Variants in EPB41L5 observed in about 807,000 individuals in gnomAD.
The protein encoded by EPB41L5 is band 4.1-like protein 5.
Under a neutral mutation model 106.6 loss-of-function variants are expected in EPB41L5, and 55 were observed. The ratio of observed to expected loss-of-function variants is 0.52; its 90% CI spans 0.42 to 0.65. The LOEUF is 0.65. Among genes scored for constraint, EPB41L5 ranks in the 30% least tolerant of loss-of-function variants. The probability of loss-of-function intolerance (pLI) is 0.00; values close to 1 mark genes in which losing one functional copy is unlikely to be tolerated. For synonymous variants in EPB41L5, 297 were observed against 306.7 expected, an observed-to-expected ratio of 0.97 and a Z score of 0.33; for missense variants, 871 against 882.1, an observed-to-expected ratio of 0.99 and a Z score of 0.16.
chr2:120,122,606 G>A (rs530095804), intron 16 of EPB41L5, among the ~76,000 whole-genome samples: 5 of 152,274 alleles, frequency 3.3e-5, no homozygotes, highest in Admixed American at 3.3e-4. Context: ...AAGTCAGGTA[G>A]CATGATGCCT....
At chr2:120,041,937 CCTT>C (rs1176307916) in intron 2 of EPB41L5, 66 bp from the exon 3 acceptor site, 15 of 1,187,540 alleles carry the variant, frequency 1.3e-5, no homozygotes, top group Non-Finnish European at 1.6e-5. Context: ...ATAACTAAAA[CCTT>C]CTTTTGTTCA....
chr2:120,164,706 TC>T (rs34175957), intron 21 of EPB41L5, 129 bp from the exon 22 acceptor site: 3 of 573,228 alleles, frequency 5.2e-6, no homozygotes, highest in Non-Finnish European at 9.3e-6. Context: ...TTTATGAGTG[TC>T]CCTGTGTATT....
At chr2:120,123,573 A>C (rs867548967) in intron 16 of EPB41L5, among the ~76,000 whole-genome samples, 8 of 152,144 alleles carry the variant, frequency 5.3e-5, no homozygotes, top group Middle Eastern at 3.4e-3. Context: ...CTTCTAATTT[A>C]ACAATTTCCC....
At chr2:120,086,698 A>G (rs1395281682) in intron 10 of EPB41L5, among the ~76,000 whole-genome samples, 2 of 152,182 alleles carry the variant, frequency 1.3e-5, no homozygotes, top group Non-Finnish European at 2.9e-5. Flanking sequence ...CTGTGAACAC[A>G]CTACTGCAGT....
intron 2 of EPB41L5, among the ~76,000 whole-genome samples, chr2:120,023,305 A>G (rs1291088939): frequency 2.0e-5 from 3 of 151,852 alleles, no homozygotes; most frequent in Non-Finnish European, 2.9e-5. Context: ...TAGGGTTTTT[A>G]TGGTTTTAGG....
chr2:120,161,544 C>T (rs1033306739), intron 21 of EPB41L5, among the ~76,000 whole-genome samples: 2 of 152,116 alleles, frequency 1.3e-5, no homozygotes, highest in Non-Finnish European at 2.9e-5. Flanking sequence ...CACTCATTTC[C>T]TTTTAAGATA....
At chr2:120,042,248 C>A in intron 3 of EPB41L5, 138 bp downstream of exon 3, 1 of 542,750 alleles carries the variant, frequency 1.8e-6, no homozygotes. Flanking sequence ...CCTCCCCCCA[C>A]CTCCTTGCTT....
Position 120,146,298 on chromosome 2 carries a change from C to T in EPB41L5, c.1793+9C>T. 1 of 1,591,584 alleles carries T rather than the reference C, an allele frequency of 6.3e-7. No homozygotes were observed. On this transcript the variant is annotated intron_variant, in intron 20 of 24. Coordinates refer to ENST00000263713, the MANE Select transcript of EPB41L5 (RefSeq NM_020909.4). The stretch of plus-strand genomic sequence containing the variant: ...GATGCTGCCACAAACAGGTACAGTT[C>T]TGGGTAGACTGAATTAAATTGATGT...
At chr2:120,129,138 A>T (rs1434408143) in intron 17 of EPB41L5, among the ~76,000 whole-genome samples, 1 of 152,060 alleles carries the variant, frequency 6.6e-6, no homozygotes, top group Non-Finnish European at 1.5e-5. Flanking sequence ...CACGTAATAT[A>T]CCCTTATAAC....
rs758943110 is a variant in EPB41L5, at chr2:120,087,230, A to G, written c.863A>G (p.Asp288Gly). 1.9e-6 allele frequency: 3 copies of G among 1,563,414 alleles called. No individual in the cohort carries two copies. The highest frequency in any genetic ancestry group is 1.1e-5 in the South Asian group (1 of 89,352). The part of the protein sequence containing the change: ...KNKLTLVVVE[D>G]DDQGKEQEHT... The stretch of plus-strand genomic sequence containing the variant: ...AAATTAACCTTGGTGGTTGTAGAAG[A>G]TGATGATCAGGTAGGAATAAAATTA... Residue 288 changes from aspartate (D) to glycine (G), a missense_variant, in exon 11 of 25, where the codon GAT becomes GGT. Physicochemically the swap from Asp to Gly is moderately conservative, Grantham distance 94. Transcript: ENST00000263713.
At chr2:120,062,605 CTAGA>C (rs777046454) in intron 3 of EPB41L5, among the ~76,000 whole-genome samples, 7 of 152,028 alleles carry the variant, frequency 4.6e-5, no homozygotes, top group East Asian at 3.9e-4. Context: ...TTTCTTTTAT[CTAGA>C]TAGTGTTGTT....
chr2:120,106,925 A>G, intron 16 of EPB41L5: 1 of 951,526 alleles, frequency 1.1e-6, no homozygotes, highest in Non-Finnish European at 1.3e-6. Flanking sequence ...TACTATGTGT[A>G]TAATATGTCT....
intron 2 of EPB41L5, among the ~76,000 whole-genome samples, chr2:120,038,087 A>G (rs1291088431): frequency 2.8e-4 from 42 of 152,230 alleles, no homozygotes; most frequent in Admixed American, 1.3e-4. Context: ...GAGTAAAAAG[A>G]CAACCCACAG....
rs1043496842 is a variant in EPB41L5, at chr2:120,147,990, C to T, written c.1793+1701C>T. ...TCTATTTTCCCCATGCTATACAACA[C>T]TGTTCTGTTTTACTGTACCTCCTTT... On this transcript the variant is annotated intron_variant, in intron 20 of 24. Coordinates refer to ENST00000263713, the MANE Select transcript of EPB41L5 (RefSeq NM_020909.4). Among the ~76,000 whole-genome samples, 7 of 152,076 alleles carry T rather than the reference C, an allele frequency of 4.6e-5. No homozygotes were observed. In the South Asian group the frequency reaches 6.2e-4, roughly 14 times the overall value.
intron 1 of EPB41L5, among the ~76,000 whole-genome samples, chr2:120,016,051 A>G (rs866857587): frequency 6.6e-6 from 1 of 152,160 alleles, no homozygotes; most frequent in Non-Finnish European, 1.5e-5. Context: ...TCCTGTTCCT[A>G]CAACTTAAAG....
At chr2:120,048,047 C>G (rs1412396801) in intron 3 of EPB41L5, among the ~76,000 whole-genome samples, 1 of 152,054 alleles carries the variant, frequency 6.6e-6, no homozygotes, top group Non-Finnish European at 1.5e-5. Context: ...TTGATGTGCT[C>G]CTGGATTCGG....
At chr2:120,098,245 T>C (rs1574660834) in intron 14 of EPB41L5, among the ~76,000 whole-genome samples, 1 of 151,202 alleles carries the variant, frequency 6.6e-6, no homozygotes, top group Non-Finnish European at 1.5e-5. Flanking sequence ...GGTCTTGCCC[T>C]GTCACCCAGG....
intron 18 of EPB41L5, among the ~76,000 whole-genome samples, chr2:120,142,640 AC>A (rs1175265868): frequency 6.6e-6 from 1 of 152,138 alleles, no homozygotes; most frequent in African/African-American, 2.4e-5. Context: ...GTCTTGCAGA[AC>A]CTCGTAGTCT....
At chr2:120,098,639 G>T (rs1273164982) in intron 14 of EPB41L5, among the ~76,000 whole-genome samples, 1 of 152,170 alleles carries the variant, frequency 6.6e-6, no homozygotes, top group East Asian at 1.9e-4. Context: ...GTACAGAATA[G>T]ACCTAGTGAC....
Sources: allele counts gnomAD v4.1 joint callset (sites outside exome capture counted in the v4.1 genomes callset), GRCh38; gene constraint gnomAD v4.1.1; transcripts MANE v1.5; gene names NCBI Gene and HGNC (gene_info 2026-07-23, HGNC 2026-07-21).